Variants in ATP1A1 observed in about 807,000 individuals in gnomAD.
ATP1A1 encodes the protein ATPase Na+/K+ transporting subunit alpha 1.
A neutral mutation model predicts 114.8 loss-of-function variants in ATP1A1; 14 were observed. That is an observed-to-expected ratio of 0.12 (90% confidence interval 0.08 to 0.19). ATP1A1 has a LOEUF of 0.19. Ranked by LOEUF, ATP1A1 falls within the 10% of genes least tolerant of loss-of-function variation. ATP1A1 has a pLI of 1.00. For missense variants in ATP1A1, 524 were observed against 1,290.7 expected, an observed-to-expected ratio of 0.41 and a Z score of 9.10; for synonymous variants, 471 against 466.3, an observed-to-expected ratio of 1.01 and a Z score of -0.13.
rs758315956 is a variant in ATP1A1 at position 116,392,919 on chromosome 1, C to T, written c.1398C>T (p.Ser466=). 3.1e-6 allele frequency: 5 copies of T among 1,614,052 alleles called. No homozygotes were observed. The highest frequency in any genetic ancestry group is 1.3e-5 in the African/African-American group (1 of 74,992). Reference sequence around the variant, plus strand: ...AGTGCATAGAGCTGTGCTGTGGTTCCGTGAAGGAGATGAGAGAAAGATACG... The same window carrying T: ...AGTGCATAGAGCTGTGCTGTGGTTCTGTGAAGGAGATGAGAGAAAGATACG... ...LLKCIELCCG[S]VKEMRERYAK... Residue 466 remains serine (S), a synonymous_variant, in exon 11 of 23, where the codon TCC becomes TCT. Transcript: ENST00000295598.
At chr1:116,378,204 T>C (rs981297130) in intron 1 of ATP1A1, among the ~76,000 whole-genome samples, 2 of 152,226 alleles carry the variant, frequency 1.3e-5, no homozygotes, top group Non-Finnish European at 1.5e-5. Flanking sequence ...TCTCTTTGGT[T>C]TGGTTTTTAT....
intron 1 of ATP1A1, among the ~76,000 whole-genome samples, chr1:116,375,775 A>G (rs1651324248): frequency 1.3e-5 from 2 of 152,216 alleles, no homozygotes; most frequent in Admixed American, 1.3e-4. Flanking sequence ...GAGAGTGACT[A>G]AAGCCCTGCT....
chr1:116,391,345 GCTTAT>G (rs1290194606), intron 10 of ATP1A1, among the ~76,000 whole-genome samples: 1 of 152,182 alleles, frequency 6.6e-6, no homozygotes, highest in Non-Finnish European at 1.5e-5. Flanking sequence ...AAATAGCTCA[GCTTAT>G]CTTATCTTAT....
chr1:116,398,986 A>G lies in ATP1A1; in HGVS notation c.2350A>G (p.Ile784Val), dbSNP rs1651321935. The change falls in exon 17 of 23, where the codon ATT becomes GTT. Residue 784 changes from isoleucine to valine, a missense_variant. Physicochemically the swap from Ile to Val is conservative, Grantham distance 29. Around this residue, in one of 8 missense-constraint regions of ATP1A1, gnomAD observed 36 missense variants for 199.6 expected, o/e 0.18. Coordinates refer to ENST00000295598, the MANE Select transcript of ATP1A1 (RefSeq NM_000701.8). This position sits in a 1 kb window ranked among gnomAD's most constrained non-coding sequence, Gnocchi z 6.1. Reference sequence around the variant, plus strand: ...CATTGCTTATACCTTAACCAGTAACATTCCCGAGATCACCCCGTTCCTGAT... The same window carrying G: ...CATTGCTTATACCTTAACCAGTAACGTTCCCGAGATCACCCCGTTCCTGAT... ...KSIAYTLTSN[I>V]PEITPFLIFI... 1 of 1,614,220 alleles carries G rather than the reference A, an allele frequency of 6.2e-7. No individual in the cohort carries two copies. Among genetic ancestry groups the G allele is most frequent in the Non-Finnish European group, 8.5e-7 (1 of 1,180,042 alleles).
At chr1:116,376,455 C>T (rs1374268875) in intron 1 of ATP1A1, among the ~76,000 whole-genome samples, 1 of 152,170 alleles carries the variant, frequency 6.6e-6, no homozygotes, top group African/African-American at 2.4e-5. Context: ...TTGCCCGGGC[C>T]TGGCCGGGAG....
intron 1 of ATP1A1, among the ~76,000 whole-genome samples, chr1:116,380,931 A>G (rs1057466330): frequency 1.2e-4 from 18 of 147,438 alleles, no homozygotes; most frequent in African/African-American, 3.3e-4. Flanking sequence ...GGAAGGGGGA[A>G]AAAAAAAAAC....
chr1:116,390,971 CCTTTGTGGT>C, intron 10 of ATP1A1, 80 bp downstream of exon 10: 1 of 1,243,804 alleles, frequency 8.0e-7, no homozygotes, highest in Non-Finnish European at 1.2e-6. Context: ...TAGCAAATTA[CCTTTGTGGT>C]CTGTGTGACT....
chr1:116,399,599 T>C lies in ATP1A1; in HGVS notation c.2572+56T>C. On this transcript the variant is annotated intron_variant, in intron 18 of 22. Transcript: ENST00000295598. The surrounding 1 kb of genome is among the most constrained non-coding windows in gnomAD (Gnocchi z 5.0). ...ACATCTAAGGCATCTGAGGTGATGGTGTCCACCTCAGGTTGAGGTTGATTT... is the reference window on the plus strand; with the variant it reads ...ACATCTAAGGCATCTGAGGTGATGGCGTCCACCTCAGGTTGAGGTTGATTT... 3 of 1,605,524 alleles carry C rather than the reference T, an allele frequency of 1.9e-6. No homozygotes were observed. The highest frequency in any genetic ancestry group is 2.6e-6 in the Non-Finnish European group (3 of 1,174,978).
intron 21 of ATP1A1, 119 bp from the exon 22 acceptor site, chr1:116,403,765 T>A (rs1225856140): frequency 3.7e-5 from 30 of 817,590 alleles, no homozygotes; most frequent in Non-Finnish European, 5.8e-5. Context: ...TAACTGTGAC[T>A]GTACTTGGCT....
intron 1 of ATP1A1, among the ~76,000 whole-genome samples, chr1:116,375,515 A>C (rs1651306902): frequency 6.6e-6 from 1 of 152,258 alleles, no homozygotes; most frequent in Non-Finnish European, 1.5e-5. Flanking sequence ...GCTTAAACCC[A>C]GATGTCTTAC....
At position 116,393,866 on chromosome 1, in the gene ATP1A1, G is replaced by A. The variant is rs1298152990; in HGVS notation, c.1660+143G>A. The A allele has an allele frequency of 1.2e-6, 1 of 823,230 alleles. No individual in the cohort carries two copies. The highest frequency in any genetic ancestry group is 2.7e-5 in the East Asian group (1 of 36,656). 51.0% of individuals were successfully genotyped at this position (823,230 alleles called of 1,614,324 possible). ...TCTTTTAGGGGCAATCCTCCTATTT[G>A]TTTATTTGCCCCCTATTATTTTGAA... On this transcript the variant is annotated intron_variant, in intron 12 of 22. Transcript: ENST00000295598. The surrounding 1 kb of genome is among the most constrained non-coding windows in gnomAD (Gnocchi z 5.0).
intron 12 of ATP1A1, among the ~76,000 whole-genome samples, chr1:116,394,094 A>T (rs1652704021): frequency 6.6e-6 from 1 of 152,178 alleles, no homozygotes; most frequent in Admixed American, 6.5e-5. Context: ...AAGTTAATTA[A>T]TTCTTAGTGT....
At chr1:116,375,640 A>T (rs1356667342) in intron 1 of ATP1A1, among the ~76,000 whole-genome samples, 1 of 152,200 alleles carries the variant, frequency 6.6e-6, no homozygotes, top group African/African-American at 2.4e-5. Context: ...CTGATACATT[A>T]AACATTAGTT....
At position 116,384,816 on chromosome 1, in the gene ATP1A1, C is replaced by T. The variant is rs747334872; in HGVS notation, c.157C>T (p.Arg53Cys). 15 of 1,612,818 alleles carry T rather than the reference C, an allele frequency of 9.3e-6. No homozygotes were observed. Among genetic ancestry groups the T allele is most frequent in the East Asian group, 2.2e-5 (1 of 44,860 alleles). Residue 53 changes from arginine (R) to cysteine (C), a missense_variant, in exon 3 of 23, where the codon CGT becomes TGT. Physicochemically the swap from Arg to Cys is radical, Grantham distance 180 (BLOSUM62 -3). Around this residue, in one of 8 missense-constraint regions of ATP1A1, gnomAD observed 141 missense variants for 316.6 expected, o/e 0.45. Coordinates refer to ENST00000295598, the MANE Select transcript of ATP1A1 (RefSeq NM_000701.8). This position sits in a 1 kb window ranked among gnomAD's most constrained non-coding sequence, Gnocchi z 5.1. The stretch of plus-strand genomic sequence containing the variant: ...TAAACTTAGCCTTGATGAACTTCAT[C>T]GTAAATATGGAACAGACTTGAGCCG... ...DHKLSLDELH[R>C]KYGTDLSRGL...
At chr1:116,374,050 G>A (rs1651184958) in intron 1 of ATP1A1, 5 of 1,402,238 alleles carry the variant, frequency 3.6e-6, no homozygotes, top group Non-Finnish European at 3.7e-6. Context: ...TTCCCGCCGC[G>A]GCCCCGGTTC....
intron 3 of ATP1A1, among the ~76,000 whole-genome samples, chr1:116,386,833 A>G (rs1570953068): frequency 6.6e-6 from 1 of 152,328 alleles, no homozygotes; most frequent in East Asian, 1.9e-4. Flanking sequence ...GGATTTCTAC[A>G]GGAAGTTTTT....
Position 116,398,883 on chromosome 1 carries a change from G to A in ATP1A1, c.2294-47G>A. 6.2e-7 allele frequency: 1 copy of A among 1,612,084 alleles called. No homozygotes were observed. Among genetic ancestry groups the A allele is most frequent in the Non-Finnish European group, 8.5e-7 (1 of 1,178,368 alleles). On this transcript the variant is annotated intron_variant, in intron 16 of 22. Coordinates refer to ENST00000295598, the MANE Select transcript of ATP1A1 (RefSeq NM_000701.8). The surrounding 1 kb of genome is among the most constrained non-coding windows in gnomAD (Gnocchi z 6.1). Reference sequence around the variant, plus strand: ...ACTTCTTGGATATGTTCAGTTTCCAGTGTGCTTGTCTCATAAGCTAACAGT... The same window carrying A: ...ACTTCTTGGATATGTTCAGTTTCCAATGTGCTTGTCTCATAAGCTAACAGT...
In ATP1A1 at chr1:116,404,305, C is replaced by T; in HGVS notation, c.3044-111C>T. 1 of 1,356,960 alleles carries T rather than the reference C, an allele frequency of 7.4e-7. No individual in the cohort carries two copies. Among genetic ancestry groups the T allele is most frequent in the Non-Finnish European group, 1.0e-6 (1 of 960,896 alleles). 84.1% of individuals were successfully genotyped at this position (1,356,960 alleles called of 1,614,324 possible). On this transcript the variant is annotated intron_variant, in intron 22 of 22. Transcript: ENST00000295598. This position sits in a 1 kb window ranked among gnomAD's most constrained non-coding sequence, Gnocchi z 4.8. The stretch of plus-strand genomic sequence containing the variant: ...GAGGTCCCATGTTTGGATTTTAACA[C>T]ACCCGACCCCCATCATCCTCCGGTT...
intron 1 of ATP1A1, among the ~76,000 whole-genome samples, chr1:116,377,921 TCA>T (rs35000227): frequency 0.02 from 3,112 of 152,352 alleles, 39 homozygotes; most frequent in Non-Finnish European, 0.033. Flanking sequence ...TAAAACCTAC[TCA>T]CTCATTTTAA....
Sources: gnomAD v4.1 joint callset for allele counts (sites outside exome capture counted in the v4.1 genomes callset) on GRCh38, gnomAD v4.1.1 for gene constraint, gnomAD v4.1.1 regional missense constraint, Gnocchi (gnomAD v3.1) non-coding constraint, MANE v1.5 for transcripts, NCBI Gene and HGNC (gene_info 2026-07-23, HGNC 2026-07-21) for gene names.